CD36: variants seen among roughly 807,000 people sequenced by gnomAD.
The protein encoded by CD36 is platelet glycoprotein 4.
A neutral mutation model predicts 55.2 loss-of-function variants in CD36; 119 were observed. The observed-to-expected ratio is 2.15, with a 90% confidence interval of 1.86 to 2.51. The LOEUF (loss-of-function observed/expected upper bound fraction) is 2.51, where lower values mean the gene tolerates loss of function less well. Among genes scored for constraint, CD36 ranks in the 30% most tolerant of loss-of-function variants. The pLI, the probability that CD36 is intolerant of heterozygous loss-of-function variation, is 0.00. For synonymous variants in CD36, 186 were observed against 193.6 expected (o/e 0.96, Z 0.33); for missense variants, 819 against 555.5 (o/e 1.47, Z -4.77).
Position 80,616,963 on chromosome 7 carries a change from A to G in CD36, c.-184+14584A>G, listed in dbSNP as rs10228291. 3.6e-3 allele frequency among the ~76,000 whole-genome samples: 550 copies of G among 152,300 alleles called. 3 individuals carry two copies. The highest frequency in any genetic ancestry group is 0.013 in the African/African-American group (525 of 41,552). ...TATGCCTCAGTGTCAGCATTTTGTT[A>G]TATGCTTGCTATACATCTCATTATC... On this transcript the variant is annotated intron_variant, in intron 1 of 13. Coordinates refer to the CD36 transcript ENST00000309881.
rs988112867 is a variant in CD36, at chr7:80,631,925, A to G, written c.-183-14163A>G. 2.0e-5 allele frequency among the ~76,000 whole-genome samples: 3 copies of G among 152,036 alleles called. No individual in the cohort carries two copies. In the East Asian group the frequency reaches 5.8e-4, roughly 29 times the overall value. On this transcript the variant is annotated intron_variant, in intron 1 of 13. Transcript: ENST00000309881. Reference sequence around the variant, plus strand: ...TTAAAACCAAAAATGCATTTAGTGTAAGATGTTCCCACTGTTAATTCTATA... The same window carrying G: ...TTAAAACCAAAAATGCATTTAGTGTGAGATGTTCCCACTGTTAATTCTATA...
At chr7:80,670,460 T>G (rs1797555205) in intron 9 of CD36, 1 of 224,900 alleles carries the variant, frequency 4.4e-6, no homozygotes, top group African/African-American at 2.3e-5. Context: ...TTAACATCTC[T>G]GAATTTTTTT....
At chr7:80,672,728 TGTTTTTAAAA>T in intron 11 of CD36, 32 bp from the exon 12 acceptor site, 1 of 1,336,194 alleles carries the variant, frequency 7.5e-7, no homozygotes. Context: ...TATAAAATAA[TGTTTTTAAAA>T]GTTGGTAATT....
At chr7:80,642,530 G>T (rs1235517462) in intron 1 of CD36, among the ~76,000 whole-genome samples, 2 of 152,034 alleles carry the variant, frequency 1.3e-5, no homozygotes, top group Non-Finnish European at 2.9e-5. Context: ...ACGTAGTATG[G>T]GTGGTTCTCC....
chr7:80,665,647 T>C (rs1210770319), intron 7 of CD36, among the ~76,000 whole-genome samples: 1 of 152,110 alleles, frequency 6.6e-6, no homozygotes, highest in Non-Finnish European at 1.5e-5. Flanking sequence ...AAAGCACTCC[T>C]AGTTAGAGTA....
At chr7:80,644,622 A>G (rs1294380078) in intron 1 of CD36, among the ~76,000 whole-genome samples, 1 of 152,220 alleles carries the variant, frequency 6.6e-6, no homozygotes, top group Non-Finnish European at 1.5e-5. Flanking sequence ...GAAAAACTAT[A>G]TGATTACTAA....
intron 4 of CD36, among the ~76,000 whole-genome samples, chr7:80,658,395 GAGTA>G (rs770649370): frequency 2.7e-4 from 40 of 148,370 alleles, no homozygotes; most frequent in Non-Finnish European, 3.2e-4. Context: ...TAAGTGAACT[GAGTA>G]AGTGTGAGGA....
rs185913608 is a variant in CD36, at chr7:80,664,401, T to C, written c.610-5T>C. On this transcript the variant is annotated splice_polypyrimidine_tract_variant and splice_region_variant and intron_variant, in intron 6 of 14. Coordinates refer to ENST00000447544, the MANE Select transcript of CD36 (RefSeq NM_001001548.3). The stretch of plus-strand genomic sequence containing the variant: ...AAGTAACATTTTCCCATACATATAT[T>C]TCAGTACAACAATACTGCAGATGGA... The C allele has an allele frequency of 6.4e-4, 919 of 1,435,300 alleles. 22 individuals are homozygous for C. The Admixed American group carries it at 0.015, about 24-fold the overall frequency. The allele number at this position is 1,435,300 out of a possible 1,614,324, so 88.9% of individuals were successfully genotyped here.
At chr7:80,662,051 G>A (rs1025737079) in intron 5 of CD36, among the ~76,000 whole-genome samples, 2 of 152,160 alleles carry the variant, frequency 1.3e-5, no homozygotes, top group Non-Finnish European at 2.9e-5. Flanking sequence ...GGGCAAATAT[G>A]AACTCTGCAT....
At chr7:80,612,701 C>A (rs1397917296) in intron 1 of CD36, among the ~76,000 whole-genome samples, 2 of 152,006 alleles carry the variant, frequency 1.3e-5, no homozygotes, top group Non-Finnish European at 2.9e-5. Flanking sequence ...CATATACTTT[C>A]TTTTGTTGTT....
At position 80,643,683 on chromosome 7, in the gene CD36, G is replaced by A. The variant is rs114373079; in HGVS notation, c.-183-2405G>A. 5.1e-3 allele frequency among the ~76,000 whole-genome samples: 777 copies of A among 152,226 alleles called. 9 individuals are homozygous for A. Among genetic ancestry groups the A allele is most frequent in the African/African-American group, 0.018 (749 of 41,544 alleles). ...GTCATTTTACCTAATGCACTTCCAC[G>A]TAAGAATTGAAAAACCAGTTCAGCC... On this transcript the variant is annotated intron_variant, in intron 1 of 14. Transcript: ENST00000447544.
chr7:80,643,763 A>G (rs1402809002), intron 1 of CD36, among the ~76,000 whole-genome samples: 1 of 152,148 alleles, frequency 6.6e-6, no homozygotes, highest in Non-Finnish European at 1.5e-5. Context: ...CGCATGAGGA[A>G]ATTGAGGTGT....
intron 1 of CD36, among the ~76,000 whole-genome samples, chr7:80,626,802 C>T (rs1048344934): frequency 2.6e-5 from 4 of 151,764 alleles, no homozygotes; most frequent in African/African-American, 9.7e-5. Context: ...GTATTTGTTC[C>T]CTGTAGTACA....
chr7:80,654,660 A>T (rs1795897642), intron 3 of CD36, among the ~76,000 whole-genome samples: 1 of 152,130 alleles, frequency 6.6e-6, no homozygotes. Context: ...TTTCAAGGAC[A>T]ATTTGTTGTA....
chr7:80,617,650 C>T (rs1263555727), intron 1 of CD36, among the ~76,000 whole-genome samples: 2 of 151,612 alleles, frequency 1.3e-5, no homozygotes, highest in African/African-American at 4.9e-5. Context: ...TTGCTTAAAC[C>T]CATAAGGCAA....
At chr7:80,641,062 C>A (rs1170710031) in intron 1 of CD36, among the ~76,000 whole-genome samples, 1 of 151,922 alleles carries the variant, frequency 6.6e-6, no homozygotes, top group Non-Finnish European at 1.5e-5. Flanking sequence ...TGACTCAGAG[C>A]CCAAGTGAAG....
At chr7:80,651,688 A>G (rs1007782406) in intron 3 of CD36, among the ~76,000 whole-genome samples, 20 of 152,252 alleles carry the variant, frequency 1.3e-4, no homozygotes, top group Middle Eastern at 6.8e-3. Flanking sequence ...CGGGTGGATC[A>G]CTTGAGCTCA....
intron 1 of CD36, among the ~76,000 whole-genome samples, chr7:80,632,364 C>A (rs1332060924): frequency 6.6e-6 from 1 of 151,716 alleles, no homozygotes; most frequent in Non-Finnish European, 1.5e-5. Context: ...ACCCCACAAG[C>A]TTTAAAAAAA....
At chr7:80,666,200 G>T in intron 7 of CD36, 1 of 467,102 alleles carries the variant, frequency 2.1e-6, no homozygotes, top group Non-Finnish European at 3.8e-6. Flanking sequence ...ATTCCAAGAT[G>T]TTTCTAATTA....
Sources: allele counts gnomAD v4.1 joint callset (sites outside exome capture counted in the v4.1 genomes callset), GRCh38; gene constraint gnomAD v4.1.1; transcripts MANE v1.5; gene names NCBI Gene and HGNC (gene_info 2026-07-23, HGNC 2026-07-21).